Variants in PRKG2 observed in about 807,000 individuals in gnomAD.
PRKG2 encodes protein kinase cGMP-dependent 2.
PRKG2 carries 33 observed loss-of-function variants against 97.2 expected under a neutral mutation model. The ratio of observed to expected loss-of-function variants is 0.34; its 90% confidence interval spans 0.26 to 0.45. The LOEUF (loss-of-function observed/expected upper bound fraction) is 0.45, where lower values mean the gene tolerates loss of function less well. PRKG2 is among the 20% of genes least tolerant of loss of function. PRKG2 has a pLI of 1.00. For missense variants in PRKG2, 638 were observed against 900.0 expected (o/e 0.71, Z 3.73); for synonymous variants, 330 against 321.8 (o/e 1.03, Z -0.27).
chr4:81,158,622 A>C (rs1015347566), intron 6 of PRKG2, among the ~76,000 whole-genome samples: 3 of 152,068 alleles, frequency 2.0e-5, no homozygotes, highest in African/African-American at 7.3e-5. Context: ...GGAACCAAAA[A>C]AGAGCCCGCA....
intron 14 of PRKG2, among the ~76,000 whole-genome samples, chr4:81,132,705 G>A (rs950830413): frequency 1.3e-4 from 20 of 152,028 alleles, no homozygotes; most frequent in Admixed American, 6.5e-5. Flanking sequence ...AAGCTACTCC[G>A]CCATTAATGA....
intron 6 of PRKG2, among the ~76,000 whole-genome samples, chr4:81,155,255 A>G (rs1380590950): frequency 6.6e-6 from 1 of 151,766 alleles, no homozygotes; most frequent in Non-Finnish European, 1.5e-5. Context: ...GGAGCTGAAA[A>G]CCAAGGCTCG....
intron 7 of PRKG2, 130 bp from the exon 8 acceptor site, chr4:81,152,184 AT>A: frequency 1.5e-6 from 1 of 672,706 alleles, no homozygotes; most frequent in South Asian, 2.2e-5. Flanking sequence ...CTTTGTTTTA[AT>A]TTTATGGTAA....
At chr4:81,096,823 A>G (rs1742162453) in intron 17 of PRKG2, among the ~76,000 whole-genome samples, 1 of 152,178 alleles carries the variant, frequency 6.6e-6, no homozygotes. Context: ...ACACATCTGC[A>G]TTTACTTTCT....
At chr4:81,122,720 C>T (rs1175363055) in intron 14 of PRKG2, among the ~76,000 whole-genome samples, 1 of 152,038 alleles carries the variant, frequency 6.6e-6, no homozygotes, top group Non-Finnish European at 1.5e-5. Flanking sequence ...TAGATATTGC[C>T]AAGAATTGAT....
Position 81,137,488 on chromosome 4 carries a change from A to G in PRKG2, c.1545-6T>C, listed in dbSNP as rs952038155. 6.3e-7 allele frequency: 1 copy of G among 1,590,668 alleles called. No individual in the cohort carries two copies. Among genetic ancestry groups the G allele is most frequent in the Non-Finnish European group, 8.6e-7 (1 of 1,161,022 alleles). The stretch of plus-strand genomic sequence containing the variant: ...CCTTGAAAGTACGATATAATCTGTG[A>G]AGACAGATAAAAACATGGTTATTAT... On this transcript the variant is annotated splice_region_variant and splice_polypyrimidine_tract_variant and intron_variant, in intron 12 of 18. Transcript: ENST00000264399.
chr4:81,174,980 T>C lies in PRKG2; in HGVS notation c.462-21A>G, dbSNP rs946830233. On this transcript the variant is annotated intron_variant, in intron 2 of 18. Transcript: ENST00000264399. Reference sequence around the variant, plus strand: ...TCTCACTGGTATAATGGAAAAGAGATGTTAGTTACAATTAATGAAAATCAT... The same window carrying C: ...TCTCACTGGTATAATGGAAAAGAGACGTTAGTTACAATTAATGAAAATCAT... The C allele has an allele frequency of 2.6e-6, 4 of 1,558,750 alleles. No individual in the cohort carries two copies. In the African/African-American group the frequency reaches 4.1e-5, roughly 16 times the overall value.
chr4:81,189,792 CAG>C (rs201462030), intron 2 of PRKG2, among the ~76,000 whole-genome samples: 10,802 of 151,986 alleles, frequency 0.071, 598 homozygotes, highest in East Asian at 0.25. Flanking sequence ...AAAAAACAGA[CAG>C]AGAGCCAAAT....
chr4:81,166,332 AACAGCTTT>A (rs1310107589), intron 6 of PRKG2, among the ~76,000 whole-genome samples: 1 of 152,006 alleles, frequency 6.6e-6, no homozygotes, highest in African/African-American at 2.4e-5. Flanking sequence ...TCCCACTGAG[AACAGCTTT>A]ATAAAAGCTT....
At chr4:81,207,979 A>T (rs1204013927) in intron 1 of PRKG2, among the ~76,000 whole-genome samples, 3 of 152,190 alleles carry the variant, frequency 2.0e-5, no homozygotes, top group African/African-American at 7.2e-5. Flanking sequence ...GAACCATAGG[A>T]TGTTGCTCCA....
rs1403762908 is a variant in PRKG2 at position 81,089,618 on chromosome 4, A to G, written c.*90T>C. 4.1e-5 allele frequency: 40 copies of G among 980,084 alleles called. No homozygotes were observed. The East Asian group carries it at 9.8e-4, about 24-fold the overall frequency. The allele number at this position is 980,084 out of a possible 1,614,324, so 60.7% of individuals were successfully genotyped here. On this transcript the variant is annotated 3_prime_UTR_variant, in exon 19 of 19. Coordinates refer to ENST00000264399, the MANE Select transcript of PRKG2 (RefSeq NM_006259.3). ...TCCCTAATGGTCTTCCAAAGATATT[A>G]TAATACTCTGAAAAGAAAATAATGT...
chr4:81,126,800 T>G (rs1745629636), intron 14 of PRKG2, among the ~76,000 whole-genome samples: 2 of 152,130 alleles, frequency 1.3e-5, no homozygotes, highest in Admixed American at 6.6e-5. Flanking sequence ...ATTGCAAAAA[T>G]TTTCTCCCAT....
intron 1 of PRKG2, among the ~76,000 whole-genome samples, chr4:81,208,107 G>A (rs1033016179): frequency 6.6e-6 from 1 of 152,232 alleles, no homozygotes; most frequent in South Asian, 2.1e-4. Context: ...ATAGAGTCAG[G>A]CCAATTAGGG....
intron 18 of PRKG2, among the ~76,000 whole-genome samples, chr4:81,091,215 C>A (rs1741496201): frequency 6.6e-6 from 1 of 152,112 alleles, no homozygotes; most frequent in African/African-American, 2.4e-5. Flanking sequence ...GGTATTAAAT[C>A]TCAATGGTAT....
chr4:81,163,666 C>T (rs552871773), intron 6 of PRKG2, among the ~76,000 whole-genome samples: 1 of 152,056 alleles, frequency 6.6e-6, no homozygotes, highest in African/African-American at 2.4e-5. Flanking sequence ...GCCTGAGTAC[C>T]TGTAAATACA....
chr4:81,153,649 CT>C lies in PRKG2; in HGVS notation c.984del (p.Gly329GlufsTer3). 1 of 1,585,306 alleles carries C rather than the reference CT, an allele frequency of 6.3e-7. No homozygotes were observed. Among genetic ancestry groups the C allele is most frequent in the Non-Finnish European group, 8.7e-7 (1 of 1,154,282 alleles). ...EEGSTFFILA[K>X]GKVKVTQSTE... ...AAGTTTTAATTAATAGTTACCTTTC[CT>C]TTTGCCAAAATGAAAAAGGTACTTC... On this transcript the variant is annotated frameshift_variant, in exon 7 of 19. Coordinates refer to ENST00000264399, the MANE Select transcript of PRKG2 (RefSeq NM_006259.3). LOFTEE classifies it high-confidence loss of function.
intron 2 of PRKG2, among the ~76,000 whole-genome samples, chr4:81,190,596 T>C (rs995735494): frequency 1.6e-4 from 24 of 152,044 alleles, no homozygotes; most frequent in African/African-American, 5.6e-4. Flanking sequence ...TGGGATCTAA[T>C]TAAACTAAAG....
intron 6 of PRKG2, among the ~76,000 whole-genome samples, chr4:81,166,830 T>C (rs1222832000): frequency 1.3e-5 from 2 of 152,118 alleles, no homozygotes; most frequent in African/African-American, 4.8e-5. Context: ...GAAAACTCTG[T>C]AGGGGATTGT....
At chr4:81,133,753 C>T (rs1197778362) in intron 14 of PRKG2, among the ~76,000 whole-genome samples, 1 of 151,998 alleles carries the variant, frequency 6.6e-6, no homozygotes, top group Admixed American at 6.6e-5. Flanking sequence ...GAATGGATAA[C>T]AGCAGTTATT....
Sources: allele counts gnomAD v4.1 joint callset (sites outside exome capture counted in the v4.1 genomes callset), GRCh38; gene constraint gnomAD v4.1.1; transcripts MANE v1.5; gene names NCBI Gene and HGNC (gene_info 2026-07-23, HGNC 2026-07-21).